DNAAF11: variants seen among roughly 807,000 people sequenced by gnomAD.
The protein encoded by DNAAF11 is leucine rich repeat containing 6.
In DNAAF11, 45 loss-of-function variants were observed where a neutral mutation model predicts 60.8. That is an observed-to-expected ratio of 0.74 (90% CI 0.58 to 0.95). The LOEUF is 0.95. DNAAF11 is among the 40% of genes least tolerant of loss of function. The pLI is 0.00. For synonymous variants in DNAAF11, 191 were observed against 183.5 expected, an observed-to-expected ratio of 1.04 and a Z score of -0.33; for missense variants, 546 against 546.2, an observed-to-expected ratio of 1.00 and a Z score of 0.00.
intron 10 of DNAAF11, 22 bp downstream of exon 10, chr8:132,610,144 T>G: frequency 1.3e-6 from 2 of 1,581,782 alleles, no homozygotes; most frequent in African/African-American, 1.3e-5. Flanking sequence ...GACTTGAAAT[T>G]GACCCAAATG....
At chr8:132,688,598 T>C in the DNAAF11 span, among the ~76,000 whole-genome samples, 1 of 152,158 alleles carries the variant, frequency 6.6e-6, no homozygotes, top group Non-Finnish European at 1.5e-5. Context: ...TTGCTAGAAC[T>C]CTTAGGGACA....
At chr8:132,643,632 T>C (rs536090657) in intron 3 of DNAAF11, 1 of 456,092 alleles carries the variant, frequency 2.2e-6, no homozygotes, top group African/African-American at 2.0e-5. Context: ...ACCTTGCAGA[T>C]GGTGTGAGAG....
At chr8:132,617,546 G>C (rs1819299302) in intron 7 of DNAAF11, among the ~76,000 whole-genome samples, 1 of 152,172 alleles carries the variant, frequency 6.6e-6, no homozygotes. Flanking sequence ...ATTTTAGGCT[G>C]AGACAATGGG....
intron 3 of DNAAF11, among the ~76,000 whole-genome samples, chr8:132,639,088 A>G (rs2130558050): frequency 6.6e-6 from 1 of 152,356 alleles, no homozygotes; most frequent in African/African-American, 2.4e-5. Context: ...GTGTCAGTAA[A>G]CATGAGCTAT....
the DNAAF11 span, among the ~76,000 whole-genome samples, chr8:132,686,546 T>C: frequency 6.6e-6 from 1 of 152,102 alleles, no homozygotes; most frequent in Admixed American, 6.6e-5. Flanking sequence ...GGAAACTGGA[T>C]TATGCTATGG....
In DNAAF11 at chr8:132,570,542, T is replaced by C. The variant is rs937102081; in HGVS notation, c.*1764A>G. 2.6e-5 allele frequency among the ~76,000 whole-genome samples: 4 copies of C among 152,158 alleles called. No homozygotes were observed. The highest frequency in any genetic ancestry group is 2.6e-4 in the Admixed American group (4 of 15,282). On this transcript the variant is annotated 3_prime_UTR_variant, in exon 12 of 12. Transcript: ENST00000620350. The stretch of plus-strand genomic sequence containing the variant: ...TACATGATTTCCAAGTTGGTAGAGG[T>C]TGAGTTCTGTTGGATTATGATATGT...
chr8:132,676,972 G>C (rs1464113489), upstream of DNAAF11, among the ~76,000 whole-genome samples: 1 of 152,208 alleles, frequency 6.6e-6, no homozygotes, highest in Non-Finnish European at 1.5e-5. Flanking sequence ...AACAGTATTA[G>C]CTCTGGCATT....
the DNAAF11 span, among the ~76,000 whole-genome samples, chr8:132,700,106 G>C: frequency 6.6e-6 from 1 of 152,130 alleles, no homozygotes; most frequent in Non-Finnish European, 1.5e-5. Flanking sequence ...TAAATGTTAT[G>C]CCATATGAAT....
At chr8:132,665,888 C>A (rs181356861) in intron 1 of DNAAF11, among the ~76,000 whole-genome samples, 12 of 152,032 alleles carry the variant, frequency 7.9e-5, no homozygotes, top group African/African-American at 2.9e-4. Flanking sequence ...AAATTTGGTA[C>A]ACATATACCA....
At chr8:132,645,958 C>A (rs1291012884) in intron 3 of DNAAF11, among the ~76,000 whole-genome samples, 3 of 152,078 alleles carry the variant, frequency 2.0e-5, no homozygotes, top group Admixed American at 1.3e-4. Flanking sequence ...CAAGGTAGGA[C>A]AACATTCAAA....
At chr8:132,687,021 C>CAT in the DNAAF11 span, among the ~76,000 whole-genome samples, 3 of 152,160 alleles carry the variant, frequency 2.0e-5, no homozygotes, top group Non-Finnish European at 4.4e-5. Flanking sequence ...TTCACTTCCC[C>CAT]AGCACCATGC....
intron 10 of DNAAF11, among the ~76,000 whole-genome samples, chr8:132,602,679 A>G (rs867219689): frequency 2.6e-4 from 39 of 151,618 alleles, no homozygotes; most frequent in African/African-American, 9.0e-4. Context: ...CTGGGTTTCT[A>G]CTGAATCCTA....
chr8:132,582,065 G>A (rs926931225), intron 11 of DNAAF11, among the ~76,000 whole-genome samples: 4 of 152,170 alleles, frequency 2.6e-5, no homozygotes, highest in African/African-American at 9.7e-5. Flanking sequence ...TGGCCCTCCC[G>A]GTGGACGGCT....
upstream of DNAAF11, among the ~76,000 whole-genome samples, chr8:132,677,581 T>C (rs185097721): frequency 1.3e-5 from 2 of 152,256 alleles, no homozygotes; most frequent in Admixed American, 6.5e-5. Flanking sequence ...ACCTACTCAC[T>C]GTTGACTTAA....
chr8:132,628,141 G>C (rs1041310514), intron 5 of DNAAF11, among the ~76,000 whole-genome samples: 1 of 152,048 alleles, frequency 6.6e-6, no homozygotes, highest in East Asian at 1.9e-4. Context: ...TGGCTGGGTG[G>C]GGTGGCTCAC....
At chr8:132,675,589 A>G (rs1825724085), upstream of DNAAF11, 4 of 1,313,828 alleles carry the variant, frequency 3.0e-6, no homozygotes, top group Admixed American at 1.0e-4. Context: ...TCCCCGTCGG[A>G]ATTCAGGAGC....
intron 10 of DNAAF11, among the ~76,000 whole-genome samples, chr8:132,605,379 A>G (rs1818029816): frequency 6.6e-6 from 1 of 152,228 alleles, no homozygotes; most frequent in South Asian, 2.1e-4. Context: ...TTGAAAGTTA[A>G]CCCAGAAAAA....
intron 5 of DNAAF11, among the ~76,000 whole-genome samples, chr8:132,630,871 T>C (rs1820728487): frequency 6.6e-6 from 1 of 152,206 alleles, no homozygotes; most frequent in Non-Finnish European, 1.5e-5. Flanking sequence ...CCAATATTTT[T>C]AAATATCATA....
chr8:132,650,647 A>G (rs1176189747), intron 3 of DNAAF11, among the ~76,000 whole-genome samples: 1 of 152,206 alleles, frequency 6.6e-6, no homozygotes, highest in Non-Finnish European at 1.5e-5. Context: ...AACAGTCTAT[A>G]TCTCTATGTT....
Sources: gnomAD v4.1 joint callset for allele counts (sites outside exome capture counted in the v4.1 genomes callset) on GRCh38, gnomAD v4.1.1 for gene constraint, MANE v1.5 for transcripts, NCBI Gene and HGNC (gene_info 2026-07-23, HGNC 2026-07-21) for gene names.